The following SHCBP1 variants were observed in gnomAD, a reference collection of about 807,000 sequenced individuals.
SHCBP1 encodes SHC binding and spindle associated 1.
In SHCBP1, 60 loss-of-function variants were observed where a neutral mutation model predicts 75.1. That is an observed-to-expected ratio of 0.80 (90% CI 0.65 to 0.99). The LOEUF is 0.99. Ranked by LOEUF, SHCBP1 falls within the 50% of genes least tolerant of loss-of-function variation. SHCBP1 has a pLI of 0.00. For synonymous variants in SHCBP1, 290 were observed against 293.2 expected (o/e 0.99, Z 0.11); for missense variants, 709 against 809.4 (o/e 0.88, Z 1.50).
In SHCBP1 at chr16:46,595,595, G is replaced by A. The variant is rs1253862222; in HGVS notation, c.1421C>T (p.Ser474Leu). Residue 474 changes from serine to leucine, a missense_variant, in exon 10 of 13, where the codon TCA (serine) becomes TTA (leucine). Transcript: ENST00000303383. ...CETTGVTVRT[S>L]AEFLMKNSDL... ...CGAGTTCTTCATTAGAAACTCTGCT[G>A]ATGTCCGCACTGTGACTCCGGTCGT... 6.2e-7 allele frequency: 1 copy of A among 1,614,138 alleles called. No individual in the cohort carries two copies. Among genetic ancestry groups the A allele is most frequent in the South Asian group, 1.1e-5 (1 of 91,076 alleles).
In SHCBP1 at chr16:46,603,990, T is replaced by C. The variant is rs1965284053; in HGVS notation, c.1077A>G (p.Glu359=). Residue 359 remains glutamate (E), a synonymous_variant, in exon 7 of 13, where the codon GAA becomes GAG. Coordinates refer to ENST00000303383, the MANE Select transcript of SHCBP1 (RefSeq NM_024745.5). ...TDRLCQEPGE[E]EREIQFHSDP... is the part of the protein sequence containing the mutation. ...CTCCGTTTACCTGAATTTCTCTTTC[T>C]TCCTCACCAGGCTCCTGGCAAAGCC... 1.2e-6 allele frequency: 2 copies of C among 1,608,924 alleles called. No individual in the cohort carries two copies. The highest frequency in any genetic ancestry group is 1.7e-4 in the Middle Eastern group (1 of 6,024).
chr16:46,608,302 T>C lies in SHCBP1; in HGVS notation c.684A>G (p.Leu228=). 1 of 1,608,944 alleles carries C rather than the reference T, an allele frequency of 6.2e-7. No individual in the cohort carries two copies. Among genetic ancestry groups the C allele is most frequent in the Non-Finnish European group, 8.5e-7 (1 of 1,175,500 alleles). ...DYFVRCVEPR[L]RLHYDILEDR... is the part of the protein sequence containing the mutation. ...GGTCAGCAATAAATACTTACAATCT[T>C]AATCGAGGTTCAACACATCTGACAA... The change falls in exon 5 of 13, where the codon TTA becomes TTG. Residue 228 remains leucine, a synonymous_variant. Coordinates refer to ENST00000303383, the MANE Select transcript of SHCBP1 (RefSeq NM_024745.5).
chr16:46,604,465 A>C lies in SHCBP1; in HGVS notation c.690-4T>G. ...GTCTTCAAGAATGTCATAATGCCTG[A>C]AAGTTTAAAAGCAAAGTGAAATCCA... On this transcript the variant is annotated splice_polypyrimidine_tract_variant and splice_region_variant and intron_variant, in intron 5 of 12. Transcript: ENST00000303383. 1 of 1,594,298 alleles carries C rather than the reference A, an allele frequency of 6.3e-7. No individual in the cohort carries two copies. Among genetic ancestry groups the C allele is most frequent in the Non-Finnish European group, 8.6e-7 (1 of 1,163,166 alleles).
In SHCBP1 at chr16:46,581,165, C is replaced by G. The variant is rs1309692612; in HGVS notation, c.*564G>C. The G allele has an allele frequency of 6.5e-6, 1 of 153,086 alleles. No individual in the cohort carries two copies. The highest frequency in any genetic ancestry group is 2.4e-5 in the African/African-American group (1 of 41,470). 9.5% of individuals were successfully genotyped at this position (153,086 alleles called of 1,614,324 possible). ...TTCAAACCTCCTATGCTGTCTATCG[C>G]TGTTTTGACGACTGCATAGCTCAAC... On this transcript the variant is annotated 3_prime_UTR_variant, in exon 13 of 13. Transcript: ENST00000303383.
intron 10 of SHCBP1, among the ~76,000 whole-genome samples, chr16:46,584,679 G>A (rs559895744): frequency 4.6e-5 from 7 of 152,198 alleles, no homozygotes; most frequent in Admixed American, 3.3e-4. Flanking sequence ...AGAGTAACCA[G>A]AAAGATCAAA....
chr16:46,588,837 C>T (rs1318559295), intron 10 of SHCBP1, among the ~76,000 whole-genome samples: 1 of 152,144 alleles, frequency 6.6e-6, no homozygotes, highest in Non-Finnish European at 1.5e-5. Flanking sequence ...CCAGCATCAT[C>T]CTGATACCAA....
Position 46,621,254 on chromosome 16 carries a change from C to A in SHCBP1, c.103+3G>T, listed in dbSNP as rs200081004. On this transcript the variant is annotated splice_donor_region_variant and intron_variant, in intron 1 of 12. Transcript: ENST00000303383. ...CTCCTCGGCCCCGGCATGGAGAGCT[C>A]ACCTTTCTCCAGAGACGCCAGCTCC... The A allele has an allele frequency of 3.7e-5, 59 of 1,605,890 alleles. No individual in the cohort carries two copies. The Admixed American group carries it at 9.9e-4, about 27-fold the overall frequency.
chr16:46,590,738 C>T (rs1477455745), intron 10 of SHCBP1, among the ~76,000 whole-genome samples: 1 of 152,188 alleles, frequency 6.6e-6, no homozygotes, highest in Admixed American at 6.5e-5. Flanking sequence ...ATTAGTTCAA[C>T]CATTGTGGAA....
chr16:46,609,606 C>G (rs770360134), intron 4 of SHCBP1, among the ~76,000 whole-genome samples: 3 of 151,860 alleles, frequency 2.0e-5, no homozygotes, highest in Non-Finnish European at 4.4e-5. Flanking sequence ...CAACCGCCAC[C>G]ACGCCTGGCT....
At chr16:46,599,759 T>G in intron 9 of SHCBP1, 72 bp downstream of exon 9, 1 of 1,335,406 alleles carries the variant, frequency 7.5e-7, no homozygotes, top group Non-Finnish European at 9.8e-7. Flanking sequence ...CATTAAATTC[T>G]ATCTTCCATA....
chr16:46,584,051 G>A lies in SHCBP1; in HGVS notation c.1503C>T (p.Thr501=), dbSNP rs1319326928. 3.7e-6 allele frequency: 6 copies of A among 1,605,730 alleles called. No individual in the cohort carries two copies. In the African/African-American group the frequency reaches 5.3e-5, roughly 14 times the overall value. ...GIEIYPGSQC[T]LSDNGIHHCK... is the part of the protein sequence containing the mutation. ...AGTGATGGATCCCATTGTCACTCAG[G>A]GTGCACTGACTCCCAGGGTAGATTT... is the stretch of plus-strand genomic sequence containing the variant. Residue 501 remains threonine (T), a synonymous_variant, in exon 11 of 13, where the codon ACC becomes ACT. Transcript: ENST00000303383.
At chr16:46,587,016 A>G (rs891713653) in intron 10 of SHCBP1, among the ~76,000 whole-genome samples, 1 of 152,140 alleles carries the variant, frequency 6.6e-6, no homozygotes, top group African/African-American at 2.4e-5. Context: ...AGAAAAAAAA[A>G]GAACACAGTA....
At chr16:46,601,005 C>CA (rs1217122968) in intron 8 of SHCBP1, among the ~76,000 whole-genome samples, 18 of 139,850 alleles carry the variant, frequency 1.3e-4, no homozygotes, top group South Asian at 2.3e-4. Context: ...GACTCTGTCT[C>CA]AAAAAAAAAG....
At chr16:46,601,678 T>A (rs1172510561) in intron 8 of SHCBP1, among the ~76,000 whole-genome samples, 2 of 152,244 alleles carry the variant, frequency 1.3e-5, no homozygotes, top group African/African-American at 4.8e-5. Flanking sequence ...TTGTTTCTGA[T>A]TGTTGTATGT....
rs116596731 is a variant in SHCBP1 at position 46,606,565 on chromosome 16, C to T, written c.689+1732G>A. On this transcript the variant is annotated intron_variant, in intron 5 of 12. Coordinates refer to ENST00000303383, the MANE Select transcript of SHCBP1 (RefSeq NM_024745.5). ...TTTCCAAGTAAAGATTGAATTTGTC[C>T]GATATACGTTATGTTCCCTTATCAT... Among the ~76,000 whole-genome samples the T allele has an allele frequency of 3.0e-3, 450 of 152,194 alleles. 2 individuals are homozygous for T. Among genetic ancestry groups the T allele is most frequent in the African/African-American group, 0.01 (423 of 41,534 alleles).
intron 2 of SHCBP1, 103 bp from the exon 3 acceptor site, chr16:46,617,852 T>A: frequency 1.1e-6 from 1 of 881,634 alleles, no homozygotes; most frequent in East Asian, 2.5e-5. Context: ...GGGACTGAAA[T>A]AGATAATCTA....
chr16:46,616,345 A>G lies in SHCBP1; in HGVS notation c.388-191T>C, dbSNP rs906081089. ...GCTTACACTGTAATCAGGGAGATCAACAAACACAATGATAACCAGTAGGTG... is the reference window on the plus strand; with the variant it reads ...GCTTACACTGTAATCAGGGAGATCAGCAAACACAATGATAACCAGTAGGTG... On this transcript the variant is annotated intron_variant, in intron 3 of 12. Transcript: ENST00000303383. The surrounding 1 kb of genome is among the most constrained non-coding windows in gnomAD (Gnocchi z 4.4). 2.6e-5 allele frequency among the ~76,000 whole-genome samples: 4 copies of G among 152,240 alleles called. No homozygotes were observed. Among genetic ancestry groups the G allele is most frequent in the South Asian group, 2.1e-4 (1 of 4,832 alleles).
chr16:46,610,235 T>A (rs561974802), intron 4 of SHCBP1, among the ~76,000 whole-genome samples: 1 of 152,238 alleles, frequency 6.6e-6, no homozygotes, highest in East Asian at 1.9e-4. Context: ...TTTGAACCAA[T>A]CTCACACACA....
At chr16:46,609,571 C>A (rs952356706) in intron 4 of SHCBP1, among the ~76,000 whole-genome samples, 5 of 151,230 alleles carry the variant, frequency 3.3e-5, no homozygotes, top group African/African-American at 9.7e-5. Flanking sequence ...CCTGCCTCAG[C>A]CTCCTGAGCA....
Sources: gnomAD v4.1 joint callset for allele counts (sites outside exome capture counted in the v4.1 genomes callset) on GRCh38, gnomAD v4.1.1 for gene constraint, Gnocchi (gnomAD v3.1) non-coding constraint, MANE v1.5 for transcripts, NCBI Gene and HGNC (gene_info 2026-07-23, HGNC 2026-07-21) for gene names.